The following NRXN1 variants were observed in gnomAD, a reference collection of about 807,000 sequenced individuals.
NRXN1 encodes the protein neurexin-1.
In NRXN1, 39 loss-of-function variants were observed where a neutral mutation model predicts 150.9. The observed-to-expected ratio is 0.26, with a 90% CI of 0.20 to 0.34. The LOEUF (loss-of-function observed/expected upper bound fraction) is 0.34, where lower values mean the gene tolerates loss of function less well. Among genes scored for constraint, NRXN1 ranks in the 10% least tolerant of loss-of-function variants. NRXN1 has a pLI of 1.00. For synonymous variants in NRXN1, 924 were observed against 757.0 expected (o/e 1.22, Z -3.62); for missense variants, 1,815 against 1,949.9 (o/e 0.93, Z 1.30).
At chr2:49,988,619 T>TAAAAAAA (rs3046623) in intron 21 of NRXN1, among the ~76,000 whole-genome samples, 1 of 128,000 alleles carries the variant, frequency 7.8e-6, no homozygotes. Context: ...AGTTAACTAT[T>TAAAAAAA]AAAAAAAAAA....
At chr2:50,577,877 G>A (rs1049180872) in intron 8 of NRXN1, among the ~76,000 whole-genome samples, 2 of 152,074 alleles carry the variant, frequency 1.3e-5, no homozygotes, top group African/African-American at 4.8e-5. Flanking sequence ...AATAATTTTA[G>A]CTATAATATG....
At chr2:50,680,803 T>A (rs938779973) in intron 5 of NRXN1, among the ~76,000 whole-genome samples, 1 of 151,374 alleles carries the variant, frequency 6.6e-6, no homozygotes, top group African/African-American at 2.4e-5. Context: ...AAAAGGATAA[T>A]CTGTTTGGAT....
At chr2:50,593,853 T>C (rs552480777) in intron 8 of NRXN1, among the ~76,000 whole-genome samples, 21 of 152,262 alleles carry the variant, frequency 1.4e-4, no homozygotes, top group African/African-American at 4.8e-4. Context: ...AAAGTAACTA[T>C]CACCATATGC....
In NRXN1 at chr2:50,553,007, C is replaced by A. The variant is rs764140301; in HGVS notation, c.1339G>T (p.Asp447Tyr). 1 of 1,609,058 alleles carries A rather than the reference C, an allele frequency of 6.2e-7. No homozygotes were observed. Among genetic ancestry groups the A allele is most frequent in the Non-Finnish European group, 8.5e-7 (1 of 1,177,542 alleles). ...CLKEVVYKNNDVRLELSRLAK... is the reference protein window; with the variant it reads ...CLKEVVYKNNYVRLELSRLAK... The stretch of plus-strand genomic sequence containing the variant: ...AGTCGAGATAATTCCAGCCTCACAT[C>A]ATTATTTTTATATACAACCTGTGGG... The change falls in exon 9 of 23, where the codon GAT (aspartate) becomes TAT (tyrosine). Residue 447 changes from aspartate to tyrosine, a missense_variant. By Grantham distance (160) the Asp-to-Tyr change is radical. Coordinates refer to ENST00000401669, the MANE Select transcript of NRXN1 (RefSeq NM_001330078.2).
intron 2 of NRXN1, among the ~76,000 whole-genome samples, chr2:50,954,494 C>G (rs1219192370): frequency 6.6e-6 from 1 of 152,114 alleles, no homozygotes; most frequent in Non-Finnish European, 1.5e-5. Context: ...CAGGGACATG[C>G]AGGAATTAGG....
intron 17 of NRXN1, among the ~76,000 whole-genome samples, chr2:50,411,754 G>T (rs572475116): frequency 6.6e-6 from 1 of 151,080 alleles, no homozygotes; most frequent in Admixed American, 6.6e-5. Context: ...GCCTCTGCCC[G>T]GCCGCCCCAT....
At chr2:50,090,158 T>C (rs1699372175) in intron 19 of NRXN1, among the ~76,000 whole-genome samples, 1 of 152,204 alleles carries the variant, frequency 6.6e-6, no homozygotes, top group African/African-American at 2.4e-5. Context: ...TGGAATAGGT[T>C]TGAACTAGGG....
At position 50,952,443 on chromosome 2, in the gene NRXN1, T is replaced by C. The variant is rs185691484; in HGVS notation, c.773-26488A>G. Reference sequence around the variant, plus strand: ...CCTTTAATATAAGCTGTTTTAATAATTGGAAAACAGAATGAATAATGTTTT... The same window carrying C: ...CCTTTAATATAAGCTGTTTTAATAACTGGAAAACAGAATGAATAATGTTTT... On this transcript the variant is annotated intron_variant, in intron 2 of 22. Coordinates refer to ENST00000401669, the MANE Select transcript of NRXN1 (RefSeq NM_001330078.2). 2.8e-3 allele frequency among the ~76,000 whole-genome samples: 423 copies of C among 152,188 alleles called. 2 individuals are homozygous for C. Among genetic ancestry groups the C allele is most frequent in the Middle Eastern group, 0.014 (4 of 294 alleles).
chr2:50,458,431 G>A (rs888572698), intron 17 of NRXN1, among the ~76,000 whole-genome samples: 1 of 152,124 alleles, frequency 6.6e-6, no homozygotes, highest in African/African-American at 2.4e-5. Context: ...ATAGCTAGAA[G>A]AGTGGAATTG....
Position 50,346,865 on chromosome 2 carries a change from C to A in NRXN1, c.3365-109895G>T, listed in dbSNP as rs1453397819. 1.4e-6 allele frequency: 2 copies of A among 1,402,736 alleles called. No individual in the cohort carries two copies. The highest frequency in any genetic ancestry group is 1.9e-6 in the Non-Finnish European group (2 of 1,078,686). The allele number at this position is 1,402,736 out of a possible 1,614,324, so 86.9% of individuals were successfully genotyped here. ...ACTATCCAAAGCAGGGCCAGGCGCC[C>A]CCCTGCGCCGCCGCCGCCGCCGCCG... On this transcript the variant is annotated intron_variant, in intron 17 of 22. Coordinates refer to ENST00000401669, the MANE Select transcript of NRXN1 (RefSeq NM_001330078.2). This position sits in a 1 kb window ranked among gnomAD's most constrained non-coding sequence, Gnocchi z 5.0.
intron 5 of NRXN1, among the ~76,000 whole-genome samples, chr2:50,715,792 C>T (rs549082187): frequency 6.6e-6 from 1 of 152,280 alleles, no homozygotes; most frequent in South Asian, 2.1e-4. Flanking sequence ...CTCTCTGAAG[C>T]CCTCGCTGAT....
chr2:50,222,126 T>C (rs1049323916), intron 18 of NRXN1, among the ~76,000 whole-genome samples: 1 of 151,956 alleles, frequency 6.6e-6, no homozygotes, highest in South Asian at 2.1e-4. Context: ...CAGGAGGATA[T>C]TAACCTCTTG....
chr2:50,650,617 C>T (rs1172346725), intron 5 of NRXN1, among the ~76,000 whole-genome samples: 3 of 151,966 alleles, frequency 2.0e-5, no homozygotes, highest in Non-Finnish European at 4.4e-5. Context: ...CCTAAACAAG[C>T]AGAAAAGTAG....
At chr2:50,221,093 C>T (rs2063848758) in intron 18 of NRXN1, among the ~76,000 whole-genome samples, 2 of 151,952 alleles carry the variant, frequency 1.3e-5, no homozygotes, top group Admixed American at 6.6e-5. Context: ...GTATAGTTAT[C>T]TGTGCTGTGT....
chr2:50,409,529 A>T (rs555721727), intron 17 of NRXN1, among the ~76,000 whole-genome samples: 3 of 152,336 alleles, frequency 2.0e-5, no homozygotes, highest in East Asian at 1.9e-4. Flanking sequence ...ATAAAGAGAC[A>T]TACTTAAGCA....
chr2:50,208,381 T>C (rs1016553518), intron 18 of NRXN1, among the ~76,000 whole-genome samples: 1 of 152,132 alleles, frequency 6.6e-6, no homozygotes, highest in Non-Finnish European at 1.5e-5. Flanking sequence ...GTCAGCCCTT[T>C]ACTGACCAAG....
intron 17 of NRXN1, among the ~76,000 whole-genome samples, chr2:50,288,576 G>C (rs2072498307): frequency 6.6e-6 from 1 of 152,156 alleles, no homozygotes; most frequent in Non-Finnish European, 1.5e-5. Flanking sequence ...CACATGGCTG[G>C]TGAGGCCTCA....
intron 5 of NRXN1, among the ~76,000 whole-genome samples, chr2:50,869,455 A>G (rs1380945964): frequency 6.6e-6 from 1 of 150,604 alleles, no homozygotes; most frequent in Non-Finnish European, 1.5e-5. Context: ...AAGTCAAAAA[A>G]ATAAAAAAAA....
chr2:51,002,408 T>C (rs1281836422), intron 2 of NRXN1, among the ~76,000 whole-genome samples: 1 of 152,026 alleles, frequency 6.6e-6, no homozygotes, highest in African/African-American at 2.4e-5. Context: ...AACAGAATCT[T>C]ATTCAATATT....
Sources: allele counts gnomAD v4.1 joint callset (sites outside exome capture counted in the v4.1 genomes callset), GRCh38; gene constraint gnomAD v4.1.1; non-coding constraint Gnocchi (gnomAD v3.1); transcripts MANE v1.5; gene names NCBI Gene and HGNC (gene_info 2026-07-23, HGNC 2026-07-21).